The following PRSS23 variants were observed in gnomAD, a reference collection of about 807,000 sequenced individuals.
PRSS23 encodes the protein protease, serine 23.
A neutral mutation model predicts 34.7 loss-of-function variants in PRSS23; 25 were observed. The ratio of observed to expected loss-of-function variants is 0.72; its 90% CI spans 0.53 to 1.01. The LOEUF is 1.01. PRSS23 is among the 50% of genes least tolerant of loss of function. The pLI, the probability that PRSS23 is intolerant of heterozygous loss-of-function variation, is 0.00. For missense variants in PRSS23, 445 were observed against 475.6 expected, an observed-to-expected ratio of 0.94 and a Z score of 0.60; for synonymous variants, 176 against 186.6, an observed-to-expected ratio of 0.94 and a Z score of 0.46.
At chr11:86,797,950 G>A (rs987657331), upstream of PRSS23, among the ~76,000 whole-genome samples, 1 of 152,156 alleles carries the variant, frequency 6.6e-6, no homozygotes, top group Non-Finnish European at 1.5e-5. Flanking sequence ...GATGCCACAG[G>A]CCACTCTTAA....
chr11:86,904,828 G>T (rs1018332049), intron 2 of PRSS23, among the ~76,000 whole-genome samples: 8 of 151,870 alleles, frequency 5.3e-5, no homozygotes, highest in Non-Finnish European at 1.2e-4. Context: ...CAGGAGGATT[G>T]CTTGAGGCCA....
rs555835092 is a variant in PRSS23, at chr11:86,823,961, G to C, written c.206+368G>C. Among the ~76,000 whole-genome samples the C allele has an allele frequency of 2.5e-3, 299 of 120,436 alleles. 2 individuals are homozygous for C. Among genetic ancestry groups the C allele is most frequent in the Middle Eastern group, 5.7e-3 (1 of 176 alleles). The allele number at this position is 120,436 out of a possible 152,430, so 79.0% of individuals were successfully genotyped here. On this transcript the variant is annotated intron_variant, in intron 2 of 2. Coordinates refer to the PRSS23 transcript ENST00000533902. The stretch of plus-strand genomic sequence containing the variant: ...GTGGAGCTTGCAGTGAGCCGAGATC[G>C]CGCCACTGCAGTCCGGCCTGGGCGA...
intron 2 of PRSS23, among the ~76,000 whole-genome samples, chr11:86,834,970 T>C (rs1041339194): frequency 4.6e-5 from 7 of 152,190 alleles, no homozygotes; most frequent in African/African-American, 1.4e-4. Context: ...AGTATACAAG[T>C]TGAGGTGGGG....
intron 2 of PRSS23, among the ~76,000 whole-genome samples, chr11:86,926,623 G>A (rs1236028309): frequency 1.3e-5 from 2 of 152,158 alleles, no homozygotes; most frequent in Non-Finnish European, 2.9e-5. Flanking sequence ...AGGGGGTATT[G>A]TCTTTTGACC....
chr11:86,815,525 T>C (rs748197731), downstream of PRSS23, among the ~76,000 whole-genome samples: 1 of 152,242 alleles, frequency 6.6e-6, no homozygotes, highest in Non-Finnish European at 1.5e-5. Flanking sequence ...GGATATTTCT[T>C]GGGTCCAAAC....
chr11:86,950,619 A>G (rs1197520612), intron 2 of PRSS23: 1 of 188,944 alleles, frequency 5.3e-6, no homozygotes, highest in African/African-American at 2.4e-5. Flanking sequence ...AGCGCACCAC[A>G]GAAGATGTTT....
rs574824529 is a variant in PRSS23, at chr11:86,848,335, T to A, written c.206+24742T>A. On this transcript the variant is annotated intron_variant, in intron 2 of 2. Coordinates refer to the PRSS23 transcript ENST00000533902. ...GATAGTACCTTGGCCAGGTAAACAATCCATTGAATGGCCTTGGAGGAGAGG... is the reference window on the plus strand; with the variant it reads ...GATAGTACCTTGGCCAGGTAAACAAACCATTGAATGGCCTTGGAGGAGAGG... Among the ~76,000 whole-genome samples, 101 of 152,164 alleles carry A rather than the reference T, an allele frequency of 6.6e-4. 1 individual carries two copies. The highest frequency in any genetic ancestry group is 2.3e-3 in the African/African-American group (97 of 41,524).
At chr11:86,917,744 C>T (rs1039206444) in intron 2 of PRSS23, among the ~76,000 whole-genome samples, 3 of 152,282 alleles carry the variant, frequency 2.0e-5, no homozygotes, top group Admixed American at 1.3e-4. Flanking sequence ...AAGATTGGAC[C>T]ACATTAGGGC....
chr11:86,861,534 C>T (rs918766409), intron 2 of PRSS23, among the ~76,000 whole-genome samples: 2 of 151,714 alleles, frequency 1.3e-5, no homozygotes, highest in Non-Finnish European at 2.9e-5. Flanking sequence ...TTCATAATAT[C>T]CAGTTGGAGA....
rs60869425 is a variant in PRSS23, at chr11:86,900,781, C to CTTTTTTTTTT, written c.207-50423_207-50414dup. Among the ~76,000 whole-genome samples the CTTTTTTTTTT allele has an allele frequency of 5.3e-5, 5 of 94,020 alleles. 1 individual carries two copies. The highest frequency in any genetic ancestry group is 4.5e-5 in the African/African-American group (1 of 22,430). 61.7% of individuals were successfully genotyped at this position (94,020 alleles called of 152,430 possible). A position where few individuals can be genotyped will look rare whatever the true frequency, so the allele number is the denominator to read the frequency against. On this transcript the variant is annotated intron_variant, in intron 2 of 2. Transcript: ENST00000533902. ...AATTTCAGCATTATTATCTCTCTCT[C>CTTTTTTTTTT]TTTTTTTTTTTTTTTTTTTTTGAGA...
intron 1 of PRSS23, among the ~76,000 whole-genome samples, chr11:86,803,807 T>C (rs1305826616): frequency 2.0e-5 from 3 of 152,210 alleles, no homozygotes; most frequent in African/African-American, 7.2e-5. Flanking sequence ...AGCACTTGTT[T>C]GCTATAGGAG....
upstream of PRSS23, among the ~76,000 whole-genome samples, chr11:86,796,370 G>T (rs1408186944): frequency 6.6e-6 from 1 of 152,208 alleles, no homozygotes; most frequent in East Asian, 1.9e-4. Flanking sequence ...GGCCGGGCGC[G>T]GTGGCTCACG....
chr11:86,882,593 A>C (rs1948778896), intron 2 of PRSS23, among the ~76,000 whole-genome samples: 1 of 152,042 alleles, frequency 6.6e-6, no homozygotes. Context: ...TATTTTATCT[A>C]GTCTGTCATT....
intron 2 of PRSS23, among the ~76,000 whole-genome samples, chr11:86,895,384 A>G (rs1008922980): frequency 3.9e-5 from 6 of 152,150 alleles, no homozygotes; most frequent in African/African-American, 1.4e-4. Flanking sequence ...TTGTATACAC[A>G]ATGTCTATCA....
At chr11:86,909,411 G>A (rs999160771) in intron 2 of PRSS23, 1 of 152,286 alleles carries the variant, frequency 6.6e-6, no homozygotes, top group African/African-American at 2.4e-5. Context: ...GAGTGGTGGA[G>A]ATGAAAGTAA....
chr11:86,829,726 G>A (rs558807606), intron 2 of PRSS23, among the ~76,000 whole-genome samples: 2 of 152,318 alleles, frequency 1.3e-5, no homozygotes, highest in Non-Finnish European at 2.9e-5. Flanking sequence ...CTCAGCTGCA[G>A]GTCTGTTGGA....
Position 86,811,202 on chromosome 11 carries a change from C to T in PRSS23, c.*2407C>T, listed in dbSNP as rs1163996108. The T allele has an allele frequency of 6.0e-6, 1 of 166,998 alleles. No homozygotes were observed. Among genetic ancestry groups the T allele is most frequent in the Non-Finnish European group, 1.5e-5 (1 of 68,114 alleles). The allele number at this position is 166,998 out of a possible 1,614,324, so 10.3% of individuals were successfully genotyped here. A position where few individuals can be genotyped will look rare whatever the true frequency, so the allele number is the denominator to read the frequency against. On this transcript the variant is annotated 3_prime_UTR_variant, in exon 2 of 2. Coordinates refer to ENST00000280258, the MANE Select transcript of PRSS23 (RefSeq NM_007173.6). ...AAGGGACAAGTTGAGGTTGTAAAAT[C>T]TGCATTTAAATAAACATCTTTGATC...
At chr11:86,917,316 CTCAA>C (rs1199968929) in intron 2 of PRSS23, among the ~76,000 whole-genome samples, 1 of 152,200 alleles carries the variant, frequency 6.6e-6, no homozygotes, top group African/African-American at 2.4e-5. Context: ...GAGACTCCGT[CTCAA>C]TCAATCAATG....
At chr11:86,824,311 CAAAAAT>C (rs1028895705) in intron 2 of PRSS23, among the ~76,000 whole-genome samples, 5 of 59,888 alleles carry the variant, frequency 8.3e-5, no homozygotes, top group Non-Finnish European at 1.6e-4. Context: ...GATCCTGTGT[CAAAAAT>C]AAAAATAAAA....
Sources: gnomAD v4.1 joint callset for allele counts (sites outside exome capture counted in the v4.1 genomes callset) on GRCh38, gnomAD v4.1.1 for gene constraint, MANE v1.5 for transcripts, NCBI Gene and HGNC (gene_info 2026-07-23, HGNC 2026-07-21) for gene names.